The following SLC35D1 variants were observed in gnomAD, a reference collection of about 807,000 sequenced individuals.
SLC35D1 encodes the protein nucleotide sugar transporter SLC35D1.
Under a neutral mutation model 46.7 loss-of-function variants are expected in SLC35D1, and 31 were observed. That is an observed-to-expected ratio of 0.66 (90% CI 0.50 to 0.90). The LOEUF (loss-of-function observed/expected upper bound fraction) is 0.90, where lower values mean the gene tolerates loss of function less well. Among genes scored for constraint, SLC35D1 ranks in the 40% least tolerant of loss-of-function variants. The pLI, the probability that SLC35D1 is intolerant of heterozygous loss-of-function variation, is 0.00. For missense variants in SLC35D1, 397 were observed against 426.2 expected (o/e 0.93, Z 0.60); for synonymous variants, 195 against 164.6 (o/e 1.18, Z -1.41).
At chr1:67,010,310 C>A (rs1667537787) in intron 10 of SLC35D1, among the ~76,000 whole-genome samples, 1 of 152,102 alleles carries the variant, frequency 6.6e-6, no homozygotes, top group Non-Finnish European at 1.5e-5. Flanking sequence ...ACGTAACAAA[C>A]CTGCACATGC....
intron 10 of SLC35D1, among the ~76,000 whole-genome samples, chr1:67,016,286 T>C (rs978382851): frequency 9.9e-5 from 15 of 152,274 alleles, no homozygotes; most frequent in African/African-American, 3.1e-4. Context: ...ACTTTTGTTT[T>C]CCATTGACAA....
intron 10 of SLC35D1, among the ~76,000 whole-genome samples, chr1:67,016,379 T>TA (rs992409520): frequency 9.2e-5 from 14 of 152,100 alleles, no homozygotes; most frequent in African/African-American, 2.9e-4. Flanking sequence ...GAGAAATTAA[T>TA]AAAAAAAGAC....
intron 10 of SLC35D1, among the ~76,000 whole-genome samples, chr1:67,013,066 T>A (rs1357075913): frequency 1.3e-5 from 2 of 148,730 alleles, no homozygotes; most frequent in African/African-American, 5.0e-5. Context: ...AAAGATTTTT[T>A]AAAAAGAGCT....
intron 8 of SLC35D1, among the ~76,000 whole-genome samples, chr1:67,026,118 C>T (rs1667908934): frequency 6.6e-6 from 1 of 152,160 alleles, no homozygotes; most frequent in Non-Finnish European, 1.5e-5. Flanking sequence ...TTCAGTCTTT[C>T]TTTCACCATT....
intron 8 of SLC35D1, among the ~76,000 whole-genome samples, chr1:67,029,281 A>C (rs1667973464): frequency 6.6e-6 from 1 of 152,168 alleles, no homozygotes; most frequent in Non-Finnish European, 1.5e-5. Flanking sequence ...GACATTGCAA[A>C]TACCTTGATG....
the SLC35D1 span, among the ~76,000 whole-genome samples, chr1:66,982,136 C>T: frequency 6.6e-6 from 1 of 152,190 alleles, no homozygotes; most frequent in Non-Finnish European, 1.5e-5. Flanking sequence ...CTACTGTCAA[C>T]AGTGACTATT....
the SLC35D1 span, chr1:66,984,480 C>T: frequency 3.2e-6 from 3 of 940,464 alleles, no homozygotes; most frequent in East Asian, 7.3e-5. Flanking sequence ...TACCTTGCTT[C>T]CTTGATAACA....
At chr1:66,986,528 G>T in the SLC35D1 span, 1 of 1,310,362 alleles carries the variant, frequency 7.6e-7, no homozygotes, top group Non-Finnish European at 1.1e-6. Context: ...TTGAGTGAAG[G>T]TTTGCACTGA....
At chr1:66,982,333 TTC>T in the SLC35D1 span, among the ~76,000 whole-genome samples, 1 of 152,216 alleles carries the variant, frequency 6.6e-6, no homozygotes, top group African/African-American at 2.4e-5. Flanking sequence ...AATATTTAAG[TTC>T]TCTTTGATAG....
chr1:66,996,955 T>C (rs1037831469), downstream of SLC35D1, among the ~76,000 whole-genome samples: 2 of 152,202 alleles, frequency 1.3e-5, no homozygotes, highest in African/African-American at 4.8e-5. Context: ...AAGAATGAAG[T>C]TGGACCCTTA....
intron 5 of SLC35D1, among the ~76,000 whole-genome samples, 184 bp downstream of exon 5, chr1:67,050,249 C>T (rs921344580): frequency 1.3e-5 from 2 of 152,156 alleles, no homozygotes. Context: ...AGATTTTCAA[C>T]TCTAATTCAT....
intron 8 of SLC35D1, among the ~76,000 whole-genome samples, chr1:67,027,407 GT>G (rs1174563974): frequency 2.0e-5 from 3 of 151,884 alleles, no homozygotes; most frequent in Admixed American, 6.6e-5. Context: ...CATTTCTTAT[GT>G]TTATTTTGGA....
intron 10 of SLC35D1, among the ~76,000 whole-genome samples, chr1:67,018,701 A>AG (rs1298048125): frequency 1.3e-5 from 2 of 152,208 alleles, no homozygotes; most frequent in Non-Finnish European, 2.9e-5. Flanking sequence ...GAAGAGAAAA[A>AG]GGAATGCTGA....
chr1:67,009,056 T>C (rs200153103), intron 11 of SLC35D1, 29 bp downstream of exon 11: 217 of 1,060,310 alleles, frequency 2.0e-4, no homozygotes, highest in Non-Finnish European at 3.5e-5. Context: ...AATTCCGATT[T>C]TGCAATTTAA....
Position 67,041,440 on chromosome 1 carries a change from TCCCAC to T in SLC35D1, c.729+791_729+795del, listed in dbSNP as rs1361766269. ...TTTTAAAAATCTCTTTTATTTTAGC[TCCCAC>T]AAACTTGTAAAAATCACGGTCTTTA... is the stretch of plus-strand genomic sequence containing the variant. On this transcript the variant is annotated intron_variant, in intron 8 of 11. Coordinates refer to ENST00000235345, the MANE Select transcript of SLC35D1 (RefSeq NM_015139.3). Among the ~76,000 whole-genome samples the T allele has an allele frequency of 9.2e-5, 14 of 152,276 alleles. 1 individual carries two copies. In the East Asian group the frequency reaches 2.7e-3, roughly 29 times the overall value.
chr1:67,036,233 T>C (rs1668120560), intron 8 of SLC35D1, among the ~76,000 whole-genome samples: 1 of 152,164 alleles, frequency 6.6e-6, no homozygotes, highest in Non-Finnish European at 1.5e-5. Flanking sequence ...AATGTTTCTT[T>C]GTTGACTTTC....
chr1:67,042,308 C>G lies in SLC35D1; in HGVS notation c.657G>C (p.Leu219=). Residue 219 remains leucine, a synonymous_variant, in exon 8 of 12, where the codon CTG becomes CTC. Coordinates refer to ENST00000235345, the MANE Select transcript of SLC35D1 (RefSeq NM_015139.3). ...LDSKELGKYG[L]LYYNALFMIL... ...TCATGAACAGTGCATTGTAATAGAGCAGTCCATATTTTCCCAGCTCCTAGG... is the reference window on the plus strand; with the variant it reads ...TCATGAACAGTGCATTGTAATAGAGGAGTCCATATTTTCCCAGCTCCTAGG... 6.2e-7 allele frequency: 1 copy of G among 1,614,114 alleles called. No individual in the cohort carries two copies. Among genetic ancestry groups the G allele is most frequent in the Non-Finnish European group, 8.5e-7 (1 of 1,180,004 alleles).
chr1:67,032,277 T>G (rs1668031390), intron 8 of SLC35D1, among the ~76,000 whole-genome samples: 1 of 152,206 alleles, frequency 6.6e-6, no homozygotes, highest in South Asian at 2.1e-4. Context: ...TACCTATAAC[T>G]ACGCTTTTAT....
chr1:67,023,233 T>C (rs903868631), intron 8 of SLC35D1, among the ~76,000 whole-genome samples: 1 of 152,204 alleles, frequency 6.6e-6, no homozygotes, highest in Non-Finnish European at 1.5e-5. Context: ...TATCTTTAAC[T>C]TCGTAAGAAA....
Sources: allele counts gnomAD v4.1 joint callset (sites outside exome capture counted in the v4.1 genomes callset), GRCh38; gene constraint gnomAD v4.1.1; transcripts MANE v1.5; gene names NCBI Gene and HGNC (gene_info 2026-07-23, HGNC 2026-07-21).